Variants in NELL1 observed in about 807,000 individuals in gnomAD.
NELL1 encodes neural EGFL like 1.
Under a neutral mutation model 107.4 loss-of-function variants are expected in NELL1, and 76 were observed. The observed-to-expected ratio is 0.71, with a 90% CI of 0.59 to 0.86. The LOEUF is 0.86. Ranked by LOEUF, NELL1 falls within the 40% of genes least tolerant of loss-of-function variation. The pLI, the probability that NELL1 is intolerant of heterozygous loss-of-function variation, is 0.00. For missense variants in NELL1, 1,024 were observed against 1,005.5 expected (o/e 1.02, Z -0.25); for synonymous variants, 353 against 341.2 (o/e 1.03, Z -0.38).
At chr11:21,003,486 C>T (rs967497311) in intron 12 of NELL1, among the ~76,000 whole-genome samples, 1 of 152,106 alleles carries the variant, frequency 6.6e-6, no homozygotes, top group African/African-American at 2.4e-5. Context: ...TAGAGGTCAT[C>T]TAGTGCAAAC....
intron 14 of NELL1, among the ~76,000 whole-genome samples, chr11:21,298,103 G>T (rs1046718027): frequency 1.3e-5 from 2 of 151,924 alleles, no homozygotes; most frequent in African/African-American, 4.8e-5. Context: ...TATATGGAAA[G>T]ATTTTCAAGA....
intron 15 of NELL1, among the ~76,000 whole-genome samples, chr11:21,387,210 A>T (rs1371701489): frequency 1.3e-5 from 2 of 151,798 alleles, no homozygotes; most frequent in Non-Finnish European, 2.9e-5. Context: ...TTAGTAAGGC[A>T]TTTTCTACCA....
intron 15 of NELL1, among the ~76,000 whole-genome samples, chr11:21,524,348 T>C (rs1206421604): frequency 1.3e-5 from 2 of 152,258 alleles, no homozygotes; most frequent in East Asian, 1.9e-4. Context: ...AAATTATTAA[T>C]ATATGGAAGT....
intron 2 of NELL1, among the ~76,000 whole-genome samples, chr11:20,756,229 T>C (rs1194056137): frequency 6.6e-6 from 1 of 152,108 alleles, no homozygotes; most frequent in East Asian, 1.9e-4. Context: ...CAGAGGAGTC[T>C]ATGTCATCTA....
chr11:21,263,069 A>G (rs1013307056), intron 14 of NELL1, among the ~76,000 whole-genome samples: 1 of 151,688 alleles, frequency 6.6e-6, no homozygotes, highest in Non-Finnish European at 1.5e-5. Flanking sequence ...GTGTTTTCTC[A>G]TAGCATACTC....
intron 13 of NELL1, among the ~76,000 whole-genome samples, chr11:21,188,538 C>T (rs1308012811): frequency 2.0e-5 from 3 of 151,710 alleles, no homozygotes; most frequent in Non-Finnish European, 4.4e-5. Context: ...ATTTACAACC[C>T]TTAAGTCCAC....
chr11:20,924,255 GA>G (rs1197032015), intron 7 of NELL1, among the ~76,000 whole-genome samples: 1 of 152,184 alleles, frequency 6.6e-6, no homozygotes, highest in Non-Finnish European at 1.5e-5. Context: ...GATTTAGCAG[GA>G]GTAAAAGGGA....
At chr11:21,023,229 AGT>A (rs1852741838) in intron 12 of NELL1, among the ~76,000 whole-genome samples, 1 of 152,100 alleles carries the variant, frequency 6.6e-6, no homozygotes, top group Non-Finnish European at 1.5e-5. Context: ...AGAGCCAAGC[AGT>A]GTGTGTTCTT....
intron 3 of NELL1, among the ~76,000 whole-genome samples, chr11:20,797,290 C>A (rs914445168): frequency 6.6e-6 from 1 of 151,404 alleles, no homozygotes; most frequent in Admixed American, 6.6e-5. Context: ...GCTGGCCGGG[C>A]GCGGTGGCTC....
At chr11:21,353,709 G>T (rs1449686972) in intron 14 of NELL1, among the ~76,000 whole-genome samples, 1 of 152,136 alleles carries the variant, frequency 6.6e-6, no homozygotes, top group East Asian at 1.9e-4. Flanking sequence ...GCCAAAGAAA[G>T]GTCGAATATA....
chr11:21,094,428 G>C (rs1854593077), intron 12 of NELL1, among the ~76,000 whole-genome samples: 1 of 152,188 alleles, frequency 6.6e-6, no homozygotes, highest in African/African-American at 2.4e-5. Flanking sequence ...GGGTCTGGAG[G>C]ATGGTGTGGC....
At chr11:21,176,330 A>G (rs1370938461) in intron 13 of NELL1, among the ~76,000 whole-genome samples, 1 of 151,816 alleles carries the variant, frequency 6.6e-6, no homozygotes, top group African/African-American at 2.4e-5. Flanking sequence ...AATTGTTCCC[A>G]AGGTAGTGAG....
chr11:21,194,643 C>T (rs570262133), intron 13 of NELL1, among the ~76,000 whole-genome samples: 6 of 152,202 alleles, frequency 3.9e-5, no homozygotes, highest in Admixed American at 3.9e-4. Context: ...AAATCCAAAT[C>T]CTCAGGCCCT....
In NELL1 at chr11:21,129,938, T is replaced by C. The variant is rs116672942; in HGVS notation, c.1426+16224T>C. Among the ~76,000 whole-genome samples, 428 of 152,274 alleles carry C rather than the reference T, an allele frequency of 2.8e-3. 1 individual carries two copies. Among genetic ancestry groups the C allele is most frequent in the African/African-American group, 0.01 (417 of 41,554 alleles). On this transcript the variant is annotated intron_variant, in intron 13 of 19. Coordinates refer to ENST00000357134, the MANE Select transcript of NELL1 (RefSeq NM_006157.5). ...TGTTATGTTTATATTATTTATATTTTACTTCAACTAAAACATTGGGGAAAA... is the reference window on the plus strand; with the variant it reads ...TGTTATGTTTATATTATTTATATTTCACTTCAACTAAAACATTGGGGAAAA...
chr11:21,181,105 G>A (rs771898266), intron 13 of NELL1, among the ~76,000 whole-genome samples: 1 of 151,846 alleles, frequency 6.6e-6, no homozygotes, highest in Non-Finnish European at 1.5e-5. Flanking sequence ...CATAGCAGGA[G>A]CTAGAACAAT....
chr11:21,064,772 C>T (rs1853828639), intron 12 of NELL1, among the ~76,000 whole-genome samples: 1 of 152,144 alleles, frequency 6.6e-6, no homozygotes. Flanking sequence ...TCATATTAGA[C>T]ATTAAAACAC....
chr11:20,936,398 A>G (rs1017622491), intron 9 of NELL1, among the ~76,000 whole-genome samples: 2 of 152,196 alleles, frequency 1.3e-5, no homozygotes, highest in African/African-American at 4.8e-5. Context: ...GTACCACAGC[A>G]TCCACTACAG....
intron 15 of NELL1, among the ~76,000 whole-genome samples, chr11:21,471,518 G>A (rs1854181791): frequency 6.6e-6 from 1 of 151,980 alleles, no homozygotes; most frequent in Non-Finnish European, 1.5e-5. Context: ...ACTGAAAATA[G>A]TTTCAAAGAT....
chr11:20,942,711 G>C (rs1850880788), intron 10 of NELL1, among the ~76,000 whole-genome samples: 1 of 152,114 alleles, frequency 6.6e-6, no homozygotes, highest in East Asian at 1.9e-4. Context: ...TTTACTTCTA[G>C]GAAGGGAAAA....
Sources: gnomAD v4.1 joint callset for allele counts (sites outside exome capture counted in the v4.1 genomes callset) on GRCh38, gnomAD v4.1.1 for gene constraint, MANE v1.5 for transcripts, NCBI Gene and HGNC (gene_info 2026-07-23, HGNC 2026-07-21) for gene names.